Variants in FUT9 observed in about 807,000 individuals in gnomAD.
FUT9 encodes 4-galactosyl-N-acetylglucosaminide 3-alpha-L-fucosyltransferase 9.
FUT9 carries 15 observed loss-of-function variants against 29.7 expected under a neutral mutation model. The ratio of observed to expected loss-of-function variants is 0.51; its 90% CI spans 0.34 to 0.78. The LOEUF is 0.78. FUT9 is among the 30% of genes least tolerant of loss of function. The probability of loss-of-function intolerance (pLI) is 0.01; values close to 1 mark genes in which losing one functional copy is unlikely to be tolerated. For missense variants in FUT9, 319 were observed against 425.4 expected (o/e 0.75, Z 2.20); for synonymous variants, 169 against 153.7 (o/e 1.10, Z -0.74).
intron 2 of FUT9, among the ~76,000 whole-genome samples, chr6:96,114,482 A>G (rs12214748): frequency 0.14 from 21,029 of 151,750 alleles, 1,673 homozygotes; most frequent in Non-Finnish European, 0.16. Context: ...TATGTTCTCA[A>G]TATAATTTGC....
intron 2 of FUT9, among the ~76,000 whole-genome samples, chr6:96,190,957 C>T (rs567911251): frequency 8.5e-4 from 130 of 152,268 alleles, no homozygotes; most frequent in South Asian, 1.5e-3. Flanking sequence ...TGAGGAGCTG[C>T]GTTCCTTTGA....
chr6:96,035,741 A>G (rs1213716071), intron 1 of FUT9, among the ~76,000 whole-genome samples: 1 of 136,654 alleles, frequency 7.3e-6, no homozygotes, highest in African/African-American at 2.7e-5. Flanking sequence ...CATATTTATT[A>G]TACTAATATA....
At chr6:96,123,220 A>G (rs901518803) in intron 2 of FUT9, among the ~76,000 whole-genome samples, 2 of 152,148 alleles carry the variant, frequency 1.3e-5, no homozygotes, top group Admixed American at 6.5e-5. Flanking sequence ...ATGACTATAT[A>G]TTCTTTCTGA....
Position 96,100,975 on chromosome 6 carries a change from C to G in FUT9, c.-97-13064C>G, listed in dbSNP as rs1483190884. Among the ~76,000 whole-genome samples, 3 of 152,068 alleles carry G rather than the reference C, an allele frequency of 2.0e-5. No individual in the cohort carries two copies. The South Asian group carries it at 6.2e-4, about 31-fold the overall frequency. ...GTTTAGGAGGCATCAGGATTAAAGA[C>G]GGCATCAAGATTTCTACTTAGTACA... On this transcript the variant is annotated intron_variant, in intron 1 of 2. Coordinates refer to ENST00000302103, the MANE Select transcript of FUT9 (RefSeq NM_006581.4).
At chr6:96,192,934 CA>C (rs1480268965) in intron 2 of FUT9, among the ~76,000 whole-genome samples, 1 of 151,728 alleles carries the variant, frequency 6.6e-6, no homozygotes, top group Non-Finnish European at 1.5e-5. Flanking sequence ...ACAAACCTGA[CA>C]AAAACAAGCA....
chr6:96,036,500 G>T (rs893815475), intron 1 of FUT9: 10 of 151,806 alleles, frequency 6.6e-5, no homozygotes, highest in Admixed American at 3.9e-4. Context: ...AGAATTACTT[G>T]GTTAAACTAA....
At chr6:96,110,276 G>C (rs1412562584) in intron 1 of FUT9, among the ~76,000 whole-genome samples, 2 of 152,008 alleles carry the variant, frequency 1.3e-5, no homozygotes, top group Non-Finnish European at 2.9e-5. Flanking sequence ...TTAAAGCTGC[G>C]AGCCTCATAA....
At chr6:96,062,323 C>A (rs1770889649) in intron 1 of FUT9, among the ~76,000 whole-genome samples, 1 of 151,736 alleles carries the variant, frequency 6.6e-6, no homozygotes, top group Non-Finnish European at 1.5e-5. Context: ...AATGAGTGAA[C>A]TAAATCTTTA....
intron 2 of FUT9, among the ~76,000 whole-genome samples, chr6:96,127,152 T>A (rs1205132379): frequency 1.3e-5 from 2 of 152,128 alleles, no homozygotes; most frequent in African/African-American, 4.8e-5. Flanking sequence ...AAGCAGAGTA[T>A]CCAATAGGTA....
chr6:96,085,561 T>C (rs1290069371), intron 1 of FUT9, among the ~76,000 whole-genome samples: 1 of 152,112 alleles, frequency 6.6e-6, no homozygotes, highest in African/African-American at 2.4e-5. Flanking sequence ...TGGCAAAATA[T>C]AAGTTCCCTG....
Position 96,075,220 on chromosome 6 carries a change from A to G in FUT9, c.-97-38819A>G, listed in dbSNP as rs74432554. Among the ~76,000 whole-genome samples, 3 of 152,326 alleles carry G rather than the reference A, an allele frequency of 2.0e-5. No homozygotes were observed. In the East Asian group the frequency reaches 5.8e-4, roughly 29 times the overall value. ...ATAGCACATAAATCAGAAATACAAC[A>G]AAAAGTTTGTTGTGTTAGGAGCCAA... On this transcript the variant is annotated intron_variant, in intron 1 of 2. Coordinates refer to ENST00000302103, the MANE Select transcript of FUT9 (RefSeq NM_006581.4).
At chr6:96,076,113 G>C (rs898462480) in intron 1 of FUT9, among the ~76,000 whole-genome samples, 1 of 152,114 alleles carries the variant, frequency 6.6e-6, no homozygotes, top group African/African-American at 2.4e-5. Flanking sequence ...CATATCCATG[G>C]AATTCAGAAA....
intron 1 of FUT9, among the ~76,000 whole-genome samples, chr6:96,051,141 GA>G (rs1193316243): frequency 2.0e-5 from 3 of 151,392 alleles, no homozygotes; most frequent in East Asian, 1.9e-4. Context: ...TCTCAGCTCT[GA>G]AAAAAAATGG....
intron 1 of FUT9, among the ~76,000 whole-genome samples, chr6:96,051,008 C>CTGTG (rs762067470): frequency 6.8e-4 from 60 of 88,870 alleles, no homozygotes; most frequent in South Asian, 6.5e-3. Context: ...GTCTCTCTCT[C>CTGTG]TCTCTGTGTG....
At chr6:96,033,127 AAAAG>A (rs1446325241) in intron 1 of FUT9, among the ~76,000 whole-genome samples, 1 of 151,726 alleles carries the variant, frequency 6.6e-6, no homozygotes, top group Non-Finnish European at 1.5e-5. Context: ...TATGCAGATA[AAAAG>A]AAAGGAAGCG....
At chr6:96,126,366 C>T (rs917911697) in intron 2 of FUT9, among the ~76,000 whole-genome samples, 9 of 152,208 alleles carry the variant, frequency 5.9e-5, no homozygotes, top group African/African-American at 2.2e-4. Flanking sequence ...AAACAACCAG[C>T]TCTAGAGCAA....
intron 1 of FUT9, among the ~76,000 whole-genome samples, chr6:96,093,330 G>A (rs1189320997): frequency 2.0e-5 from 3 of 152,124 alleles, no homozygotes; most frequent in African/African-American, 7.2e-5. Flanking sequence ...TCATGATCCT[G>A]TTGAAATAGC....
At chr6:96,158,616 G>A (rs1242286486) in intron 2 of FUT9, among the ~76,000 whole-genome samples, 1 of 152,010 alleles carries the variant, frequency 6.6e-6, no homozygotes, top group Admixed American at 6.6e-5. Flanking sequence ...TCATTAATCA[G>A]CTCTCAGATA....
chr6:96,126,864 T>C (rs1478708590), intron 2 of FUT9, among the ~76,000 whole-genome samples: 1 of 152,200 alleles, frequency 6.6e-6, no homozygotes, highest in Admixed American at 6.5e-5. Context: ...AAGTGATGAT[T>C]AAAATGGAAA....
Sources: gnomAD v4.1 joint callset for allele counts (sites outside exome capture counted in the v4.1 genomes callset) on GRCh38, gnomAD v4.1.1 for gene constraint, MANE v1.5 for transcripts, NCBI Gene and HGNC (gene_info 2026-07-23, HGNC 2026-07-21) for gene names.